Variants in SENP6 observed in about 807,000 individuals in gnomAD.
The protein encoded by SENP6 is SUMO specific peptidase 6.
In SENP6, 41 loss-of-function variants were observed where a neutral mutation model predicts 134.5. The observed-to-expected ratio is 0.30, with a 90% CI of 0.24 to 0.40. SENP6 has a LOEUF of 0.40. SENP6 is among the 10% of genes least tolerant of loss of function. SENP6 has a pLI of 1.00. For missense variants in SENP6, 1,248 were observed against 1,312.5 expected, an observed-to-expected ratio of 0.95 and a Z score of 0.76; for synonymous variants, 395 against 429.8, an observed-to-expected ratio of 0.92 and a Z score of 1.00.
At position 75,659,315 on chromosome 6, in the gene SENP6, A is replaced by C; in HGVS notation, c.604A>C (p.Lys202Gln). ...CGAATCACAAGTGGAGCCTGAAATT[A>C]AGAGGAAAGTACAACAGAAACGACA... ...ESESQVEPEI[K>Q]RKVQQKRHCS... Residue 202 changes from lysine to glutamine, a missense_variant, in exon 8 of 24, where the codon AAG (lysine) becomes CAG (glutamine). By Grantham distance (53) the Lys-to-Gln change is moderately conservative (BLOSUM62 1). Around this residue, in one of 3 missense-constraint regions of SENP6, gnomAD observed 733 missense variants for 725.4 expected, o/e 1.01. Transcript: ENST00000447266. 6.2e-7 allele frequency: 1 copy of C among 1,612,590 alleles called. No homozygotes were observed. Among genetic ancestry groups the C allele is most frequent in the Non-Finnish European group, 8.5e-7 (1 of 1,178,730 alleles).
At chr6:75,680,142 T>A (rs1281995596) in intron 16 of SENP6, among the ~76,000 whole-genome samples, 1 of 152,190 alleles carries the variant, frequency 6.6e-6, no homozygotes, top group East Asian at 1.9e-4. Context: ...CTATATAGAA[T>A]TAGTAGTACT....
intron 7 of SENP6, among the ~76,000 whole-genome samples, chr6:75,656,084 G>A (rs534775879): frequency 6.9e-4 from 105 of 151,752 alleles, no homozygotes; most frequent in Non-Finnish European, 1.0e-3. Flanking sequence ...GCATGGTGAC[G>A]CATGCCTGTA....
At chr6:75,612,966 C>T (rs1005877987) in intron 1 of SENP6, among the ~76,000 whole-genome samples, 2 of 152,026 alleles carry the variant, frequency 1.3e-5, no homozygotes, top group African/African-American at 4.8e-5. Context: ...ATACAAAAAT[C>T]AGCCGGGCAT....
At chr6:75,692,457 CAAAAACATACAA>C (rs1774343761) in intron 16 of SENP6, among the ~76,000 whole-genome samples, 1 of 137,260 alleles carries the variant, frequency 7.3e-6, no homozygotes, top group Admixed American at 7.0e-5. Flanking sequence ...CTTGTCTCTA[CAAAAACATACAA>C]AAAAAAAATT....
Position 75,626,339 on chromosome 6 carries a change from T to TTATA in SENP6, c.207+2393_207+2396dup, listed in dbSNP as rs371571007. ...TTTAAAAATTATGTGGCTTAGCTTT[T>TTATA]TATATATATATATATATGTAAGCAT... On this transcript the variant is annotated intron_variant, in intron 3 of 23. Coordinates refer to ENST00000447266, the MANE Select transcript of SENP6 (RefSeq NM_015571.4). Among the ~76,000 whole-genome samples, 861 of 149,610 alleles carry TTATA rather than the reference T, an allele frequency of 5.8e-3. 7 individuals carry two copies. Among genetic ancestry groups the TTATA allele is most frequent in the South Asian group, 0.054 (256 of 4,750 alleles).
chr6:75,687,693 A>G (rs1314634222), intron 16 of SENP6, among the ~76,000 whole-genome samples: 3 of 151,772 alleles, frequency 2.0e-5, no homozygotes, highest in Non-Finnish European at 4.4e-5. Flanking sequence ...GGTCTTTTGG[A>G]GTTTGCTGGA....
chr6:75,611,684 A>AT (rs1465021307), intron 1 of SENP6: 1 of 152,194 alleles, frequency 6.6e-6, no homozygotes, highest in African/African-American at 2.4e-5. Flanking sequence ...TCAGCTTGAG[A>AT]TAAGTGTATT....
intron 11 of SENP6, among the ~76,000 whole-genome samples, chr6:75,674,234 G>C (rs1466903868): frequency 7.0e-6 from 1 of 142,222 alleles, no homozygotes; most frequent in Non-Finnish European, 1.5e-5. Context: ...ATAGCTAACT[G>C]TAACCTTGAA....
chr6:75,638,606 ATATATATATATATATATTTTTTTTTT>A (rs1561992702), intron 5 of SENP6, among the ~76,000 whole-genome samples: 1 of 39,120 alleles, frequency 2.6e-5, no homozygotes, highest in Admixed American at 3.3e-4. Flanking sequence ...ATATATATAT[ATATATATATATATATATTTTTTTTTT>A]TTTTTTTTTT....
At chr6:75,623,166 CGTT>C (rs201553957) in intron 2 of SENP6, among the ~76,000 whole-genome samples, 2,942 of 151,868 alleles carry the variant, frequency 0.019, 101 homozygotes, top group African/African-American at 0.067. Flanking sequence ...TCTTCGAAAA[CGTT>C]GTATTTGACT....
chr6:75,638,614 ATATATATATTT>A (rs1284865797), intron 5 of SENP6, among the ~76,000 whole-genome samples: 130 of 35,734 alleles, frequency 3.6e-3, no homozygotes, highest in Admixed American at 8.1e-3. Flanking sequence ...ATATATATAT[ATATATATATTT>A]TTTTTTTTTT....
At chr6:75,679,764 A>G (rs1390871906) in intron 16 of SENP6, 1 of 152,244 alleles carries the variant, frequency 6.6e-6, no homozygotes, top group Non-Finnish European at 1.5e-5. Context: ...GGACATGTAT[A>G]TGAAATAAAA....
chr6:75,687,259 G>A (rs1475776582), intron 16 of SENP6, among the ~76,000 whole-genome samples: 1 of 151,994 alleles, frequency 6.6e-6, no homozygotes, highest in African/African-American at 2.4e-5. Flanking sequence ...GGTCATTTAA[G>A]GTCTTCTCTA....
chr6:75,603,323 A>AT (rs771215154), intron 1 of SENP6, among the ~76,000 whole-genome samples: 23 of 151,996 alleles, frequency 1.5e-4, no homozygotes, highest in Non-Finnish European at 2.5e-4. Context: ...AACAATATTG[A>AT]TTTTTTTGGC....
intron 8 of SENP6, among the ~76,000 whole-genome samples, chr6:75,661,822 G>C (rs2149863471): frequency 6.6e-6 from 1 of 152,200 alleles, no homozygotes; most frequent in East Asian, 1.9e-4. Context: ...GCCGAGGCAG[G>C]TGGTGGATCA....
chr6:75,605,906 A>G (rs1408923868), intron 1 of SENP6, among the ~76,000 whole-genome samples: 2 of 152,196 alleles, frequency 1.3e-5, no homozygotes, highest in African/African-American at 2.4e-5. Flanking sequence ...CGGGGCTTCA[A>G]TTAGCATGAT....
intron 9 of SENP6, among the ~76,000 whole-genome samples, chr6:75,664,678 G>A (rs981643312): frequency 3.3e-5 from 5 of 152,160 alleles, no homozygotes; most frequent in Non-Finnish European, 2.9e-5. Flanking sequence ...CCTGAGACTG[G>A]ACAGTAAAAT....
At chr6:75,621,712 G>C (rs1227684004) in intron 2 of SENP6, 87 bp downstream of exon 2, 1 of 775,526 alleles carries the variant, frequency 1.3e-6, no homozygotes, top group African/African-American at 1.8e-5. Flanking sequence ...AATATTTTTA[G>C]GAGTATGGTA....
chr6:75,644,581 TTC>T (rs891087261), intron 6 of SENP6, among the ~76,000 whole-genome samples: 2 of 151,888 alleles, frequency 1.3e-5, no homozygotes, highest in African/African-American at 2.4e-5. Flanking sequence ...GCCTCTCAGG[TTC>T]AAGCAATTCT....
Sources: allele counts gnomAD v4.1 joint callset (sites outside exome capture counted in the v4.1 genomes callset), GRCh38; gene constraint gnomAD v4.1.1; regional missense constraint gnomAD v4.1.1; transcripts MANE v1.5; gene names NCBI Gene and HGNC (gene_info 2026-07-23, HGNC 2026-07-21).